CALU: variants seen among roughly 807,000 people sequenced by gnomAD.
The protein encoded by CALU is IEF SSP 9302.
CALU carries 13 observed loss-of-function variants against 37.5 expected under a neutral mutation model. That is an observed-to-expected ratio of 0.35 (90% confidence interval 0.23 to 0.55). CALU has a LOEUF of 0.55. CALU is among the 20% of genes least tolerant of loss of function. The pLI is 0.89. For missense variants in CALU, 282 were observed against 391.7 expected, an observed-to-expected ratio of 0.72 and a Z score of 2.36; for synonymous variants, 114 against 133.8, an observed-to-expected ratio of 0.85 and a Z score of 1.02.
At chr7:128,756,934 C>A (rs1314565229) in intron 3 of CALU, among the ~76,000 whole-genome samples, 1 of 151,994 alleles carries the variant, frequency 6.6e-6, no homozygotes, top group Non-Finnish European at 1.5e-5. Context: ...TAAAAATTAG[C>A]CAGGAGTGGT....
intron 5 of CALU, among the ~76,000 whole-genome samples, chr7:128,766,910 G>GTATA (rs1801357643): frequency 6.6e-6 from 1 of 152,188 alleles, no homozygotes; most frequent in Non-Finnish European, 1.5e-5. Context: ...ATGGCCAGAG[G>GTATA]TACATTCTTA....
At position 128,772,886 on chromosome 7, in the gene CALU, T is replaced by A. The variant is rs1259177500; in HGVS notation, c.*3719T>A. Reference sequence around the variant, plus strand: ...CTGGTCAAGTCTGAGACCTCACTGTTGGTAAATTCACAAACCATCCTGCTT... The same window carrying A: ...CTGGTCAAGTCTGAGACCTCACTGTAGGTAAATTCACAAACCATCCTGCTT... On this transcript the variant is annotated 3_prime_UTR_variant, in exon 7 of 7. Coordinates refer to ENST00000249364, the MANE Select transcript of CALU (RefSeq NM_001219.5). Among the ~76,000 whole-genome samples the A allele has an allele frequency of 6.6e-6, 1 of 152,184 alleles. No individual in the cohort carries two copies. Among genetic ancestry groups the A allele is most frequent in the Non-Finnish European group, 1.5e-5 (1 of 68,040 alleles).
intron 1 of CALU, among the ~76,000 whole-genome samples, chr7:128,744,199 C>G (rs536727700): frequency 6.6e-6 from 1 of 152,148 alleles, no homozygotes. Context: ...GAGACAGACT[C>G]AGTCTCAACA....
chr7:128,746,131 A>G (rs988837926), intron 1 of CALU, among the ~76,000 whole-genome samples: 8 of 147,992 alleles, frequency 5.4e-5, no homozygotes, highest in Non-Finnish European at 8.9e-5. Flanking sequence ...TTTCCATTTC[A>G]CTGCAGATAG....
chr7:128,753,965 A>G (rs937058712), intron 2 of CALU, among the ~76,000 whole-genome samples: 1 of 152,246 alleles, frequency 6.6e-6, no homozygotes, highest in Non-Finnish European at 1.5e-5. Context: ...AAGAGTGGAG[A>G]ACTTGGATAG....
intron 1 of CALU, among the ~76,000 whole-genome samples, chr7:128,743,607 G>A (rs938453036): frequency 6.6e-6 from 1 of 151,056 alleles, no homozygotes; most frequent in East Asian, 1.9e-4. Flanking sequence ...CTGTAACCTC[G>A]TGTCTCCGGG....
At position 128,770,013 on chromosome 7, in the gene CALU, A is replaced by G. The variant is rs1299548194; in HGVS notation, c.*846A>G. 6.6e-6 allele frequency: 1 copy of G among 152,472 alleles called. No individual in the cohort carries two copies. Among genetic ancestry groups the G allele is most frequent in the Non-Finnish European group, 1.5e-5 (1 of 68,022 alleles). 9.4% of individuals were successfully genotyped at this position (152,472 alleles called of 1,614,324 possible). The stretch of plus-strand genomic sequence containing the variant: ...GTGTGCATCTGTTGAAATGCTCAAG[A>G]CTTAATTATTTGCCTTTTGAAATCA... On this transcript the variant is annotated 3_prime_UTR_variant, in exon 7 of 7. Transcript: ENST00000249364.
chr7:128,772,712 A>G lies in CALU; in HGVS notation c.*3545A>G. ...ACCTTGGCAGATGAGGAAGTATGGG[A>G]AAAAAGACCTTATTCTCTGTATCAC... is the stretch of plus-strand genomic sequence containing the variant. On this transcript the variant is annotated 3_prime_UTR_variant, in exon 7 of 7. Coordinates refer to ENST00000249364, the MANE Select transcript of CALU (RefSeq NM_001219.5). The G allele has an allele frequency of 1.2e-6, 2 of 1,610,828 alleles. No individual in the cohort carries two copies. The highest frequency in any genetic ancestry group is 1.7e-6 in the Non-Finnish European group (2 of 1,177,130).
intron 5 of CALU, among the ~76,000 whole-genome samples, chr7:128,760,233 A>G (rs1007137135): frequency 3.9e-5 from 6 of 152,114 alleles, no homozygotes; most frequent in African/African-American, 1.4e-4. Flanking sequence ...TTGCCCATAG[A>G]AACAATTTAC....
At chr7:128,746,154 C>CT (rs530935719) in intron 1 of CALU, among the ~76,000 whole-genome samples, 1,645 of 143,092 alleles carry the variant, frequency 0.011, 29 homozygotes, top group African/African-American at 0.038. Flanking sequence ...GCATCTCGTT[C>CT]TTTTTTTTTT....
Position 128,772,677 on chromosome 7 carries a change from A to G in CALU, c.*3510A>G, listed in dbSNP as rs367791096. On this transcript the variant is annotated 3_prime_UTR_variant, in exon 7 of 7. Transcript: ENST00000249364. The stretch of plus-strand genomic sequence containing the variant: ...GCTTGGAACTGGAGAGAAAGGTACA[A>G]TTGGAGATAACCTTGGCAGATGAGG... 1.9e-6 allele frequency: 3 copies of G among 1,613,904 alleles called. No individual in the cohort carries two copies. The African/African-American group carries it at 4.0e-5, about 22-fold the overall frequency.
intron 2 of CALU, among the ~76,000 whole-genome samples, chr7:128,753,716 T>A (rs1800761914): frequency 6.6e-6 from 1 of 152,214 alleles, no homozygotes; most frequent in Admixed American, 6.5e-5. Context: ...ATATAAATGA[T>A]CCCAGAACTT....
chr7:128,753,669 C>T (rs1268295328), intron 2 of CALU, among the ~76,000 whole-genome samples: 1 of 152,158 alleles, frequency 6.6e-6, no homozygotes, highest in Admixed American at 6.5e-5. Flanking sequence ...ATCTTCCTGT[C>T]TTTTTATCTG....
rs892382986 is a variant in CALU at position 128,772,191 on chromosome 7, T to C, written c.*3024T>C. Among the ~76,000 whole-genome samples the C allele has an allele frequency of 6.6e-6, 1 of 152,080 alleles. No individual in the cohort carries two copies. On this transcript the variant is annotated 3_prime_UTR_variant, in exon 7 of 7. Transcript: ENST00000249364. Reference sequence around the variant, plus strand: ...CCCCAGCAGGAAAAAAAAAAAAAGTTACTAAAAAGGAAAGTATCCATACAC... The same window carrying C: ...CCCCAGCAGGAAAAAAAAAAAAAGTCACTAAAAAGGAAAGTATCCATACAC...
At chr7:128,759,906 T>C in intron 5 of CALU, 54 bp downstream of exon 5, 1 of 946,692 alleles carries the variant, frequency 1.1e-6, no homozygotes, top group East Asian at 2.4e-5. Context: ...CTTTGAAAGG[T>C]GTATTTGCTG....
intron 5 of CALU, among the ~76,000 whole-genome samples, chr7:128,762,385 T>A (rs1299687944): frequency 3.3e-5 from 5 of 150,912 alleles, no homozygotes; most frequent in East Asian, 2.0e-4. Context: ...TTTTTTTTTT[T>A]ACAAGTCAGT....
intron 3 of CALU, among the ~76,000 whole-genome samples, chr7:128,758,223 T>G (rs1446614567): frequency 2.6e-5 from 4 of 152,156 alleles, no homozygotes; most frequent in Non-Finnish European, 4.4e-5. Context: ...ATTTCTGCGT[T>G]GACTGAAAAA....
At chr7:128,753,959 G>A (rs528520674) in intron 2 of CALU, among the ~76,000 whole-genome samples, 1 of 152,294 alleles carries the variant, frequency 6.6e-6, no homozygotes, top group African/African-American at 2.4e-5. Flanking sequence ...GATGCAAAGA[G>A]TGGAGAACTT....
At chr7:128,750,320 C>T (rs1246667821) in intron 2 of CALU, among the ~76,000 whole-genome samples, 1 of 151,682 alleles carries the variant, frequency 6.6e-6, no homozygotes, top group East Asian at 1.9e-4. Flanking sequence ...ACATTTTGGT[C>T]TGCACATATT....
Sources: gnomAD v4.1 joint callset for allele counts (sites outside exome capture counted in the v4.1 genomes callset) on GRCh38, gnomAD v4.1.1 for gene constraint, MANE v1.5 for transcripts, NCBI Gene and HGNC (gene_info 2026-07-23, HGNC 2026-07-21) for gene names.